Variants in RALYL observed in about 807,000 individuals in gnomAD.
RALYL encodes the protein RALY RNA binding protein like, also known as RNA-binding Raly-like protein.
In RALYL, 29 loss-of-function variants were observed where a neutral mutation model predicts 35.1. That is an observed-to-expected ratio of 0.83 (90% CI 0.61 to 1.13). The LOEUF (loss-of-function observed/expected upper bound fraction) is 1.13, where lower values mean the gene tolerates loss of function less well. RALYL is among the 50% of genes most tolerant of loss of function. The pLI is 0.00. For synonymous variants in RALYL, 120 were observed against 127.6 expected (o/e 0.94, Z 0.40); for missense variants, 359 against 360.4 (o/e 1.00, Z 0.03).
chr8:84,463,115 C>T (rs1308987227), intron 1 of RALYL, among the ~76,000 whole-genome samples: 3 of 151,910 alleles, frequency 2.0e-5, no homozygotes, highest in Admixed American at 2.0e-4. Context: ...CACTCTTTCT[C>T]ATAGTTTAGC....
chr8:84,653,409 C>T (rs898642598), intron 2 of RALYL, among the ~76,000 whole-genome samples: 3 of 152,008 alleles, frequency 2.0e-5, no homozygotes, highest in Non-Finnish European at 4.4e-5. Context: ...CTGGACCTCA[C>T]CTCCTACCTT....
chr8:84,380,794 AC>A (rs1857834461), intron 1 of RALYL, among the ~76,000 whole-genome samples: 1 of 151,888 alleles, frequency 6.6e-6, no homozygotes, highest in Admixed American at 6.6e-5. Flanking sequence ...ATTAGTCATC[AC>A]AGGTGTCCTT....
chr8:84,730,104 T>A lies in RALYL; in HGVS notation c.257-44475T>A, dbSNP rs1364617561. Among the ~76,000 whole-genome samples, 3 of 152,076 alleles carry A rather than the reference T, an allele frequency of 2.0e-5. No individual in the cohort carries two copies. The South Asian group carries it at 6.2e-4, about 31-fold the overall frequency. On this transcript the variant is annotated intron_variant, in intron 2 of 8. Transcript: ENST00000521268. ...CAAAAAAGAGAATTTTAGACCAATA[T>A]CCTTGATGAACATTGATGCAAAAAT...
chr8:84,455,298 A>G (rs1278321835), intron 1 of RALYL, among the ~76,000 whole-genome samples: 2 of 152,042 alleles, frequency 1.3e-5, no homozygotes, highest in Non-Finnish European at 2.9e-5. Flanking sequence ...TATGTCTGGT[A>G]TAAAAGATAA....
intron 3 of RALYL, among the ~76,000 whole-genome samples, chr8:84,778,107 AAG>A (rs1817277875): frequency 6.6e-6 from 1 of 152,186 alleles, no homozygotes; most frequent in African/African-American, 2.4e-5. Flanking sequence ...GAACAGGGTG[AAG>A]AGAGAGCATA....
chr8:84,909,500 T>A (rs1279725647), intron 8 of RALYL, among the ~76,000 whole-genome samples: 1 of 152,170 alleles, frequency 6.6e-6, no homozygotes, highest in Non-Finnish European at 1.5e-5. Context: ...CTGCTAAATA[T>A]AATAGTATTA....
At chr8:84,915,879 C>T (rs1357354297) in intron 8 of RALYL, among the ~76,000 whole-genome samples, 2 of 152,024 alleles carry the variant, frequency 1.3e-5, no homozygotes, top group Non-Finnish European at 2.9e-5. Context: ...ACTCCAGAAA[C>T]ACAAATGATC....
At chr8:84,266,096 G>A (rs1833238134) in intron 1 of RALYL, among the ~76,000 whole-genome samples, 1 of 152,098 alleles carries the variant, frequency 6.6e-6, no homozygotes. Context: ...TCTGCAGCCT[G>A]GTTTCAACTT....
intron 1 of RALYL, among the ~76,000 whole-genome samples, chr8:84,276,610 C>T (rs1563653846): frequency 6.6e-6 from 1 of 152,126 alleles, no homozygotes; most frequent in African/African-American, 2.4e-5. Flanking sequence ...ACTAGGCCTG[C>T]TATAGTCATC....
chr8:84,628,050 A>G (rs1823125457), intron 2 of RALYL, among the ~76,000 whole-genome samples: 1 of 152,086 alleles, frequency 6.6e-6, no homozygotes, highest in Admixed American at 6.6e-5. Flanking sequence ...AAAAATATAA[A>G]TACAACTAAT....
chr8:84,397,776 C>A (rs141654729), intron 1 of RALYL, among the ~76,000 whole-genome samples: 2 of 151,548 alleles, frequency 1.3e-5, no homozygotes, highest in Admixed American at 6.5e-5. Context: ...TTGCATCAGT[C>A]GCAGACAAGC....
At chr8:84,366,092 C>G (rs756282019) in intron 1 of RALYL, among the ~76,000 whole-genome samples, 1 of 152,162 alleles carries the variant, frequency 6.6e-6, no homozygotes, top group African/African-American at 2.4e-5. Context: ...TGTTTATGCT[C>G]TGTTGTCTGG....
intron 1 of RALYL, among the ~76,000 whole-genome samples, chr8:84,296,655 G>C (rs1174444497): frequency 9.2e-6 from 1 of 108,210 alleles, no homozygotes; most frequent in East Asian, 2.8e-4. Flanking sequence ...TTTTTTGACT[G>C]AGAGGTGTAT....
rs142258157 is a variant in RALYL, at chr8:84,877,524, G to A, written c.685+4127G>A. 1.1e-4 allele frequency among the ~76,000 whole-genome samples: 17 copies of A among 151,156 alleles called. No homozygotes were observed. The East Asian group carries it at 1.7e-3, about 16-fold the overall frequency. On this transcript the variant is annotated intron_variant, in intron 7 of 8. Transcript: ENST00000521268. ...TATATATATATATATACACATATAC[G>A]CACACACATATATATTTAAAGGGAG...
At position 84,235,524 on chromosome 8, in the gene RALYL, T is replaced by C. The variant is rs146362165; in HGVS notation, c.-24+51100T>C. On this transcript the variant is annotated intron_variant, in intron 1 of 8. Coordinates refer to ENST00000521268, the MANE Select transcript of RALYL (RefSeq NM_173848.7). ...ATTTGATGTTGGCATGGCCAGAAGA[T>C]AACCTCAGAATGTCCTGCAAGATTT... Among the ~76,000 whole-genome samples the C allele has an allele frequency of 1.6e-3, 248 of 152,342 alleles. 3 individuals carry two copies. Among genetic ancestry groups the C allele is most frequent in the Middle Eastern group, 6.8e-3 (2 of 294 alleles).
intron 4 of RALYL, among the ~76,000 whole-genome samples, chr8:84,826,757 C>A: frequency 6.6e-6 from 1 of 151,854 alleles, no homozygotes; most frequent in East Asian, 1.9e-4. Flanking sequence ...CACACACATA[C>A]GCCCAAACAC....
intron 1 of RALYL, among the ~76,000 whole-genome samples, chr8:84,224,838 G>C (rs1286699777): frequency 1.3e-5 from 2 of 152,010 alleles, no homozygotes; most frequent in Non-Finnish European, 2.9e-5. Context: ...TGTATTTTCA[G>C]TAGAGACAGG....
At chr8:84,754,267 T>A (rs1281841767) in intron 2 of RALYL, among the ~76,000 whole-genome samples, 1 of 151,514 alleles carries the variant, frequency 6.6e-6, no homozygotes, top group African/African-American at 2.4e-5. Flanking sequence ...AAAAAAAAAA[T>A]GTGAGAATAG....
chr8:84,505,584 G>T (rs969249692), intron 1 of RALYL, among the ~76,000 whole-genome samples: 2 of 151,920 alleles, frequency 1.3e-5, no homozygotes, highest in African/African-American at 4.8e-5. Flanking sequence ...TTAGGTTCAG[G>T]GGATACATGT....
Sources: gnomAD v4.1 joint callset for allele counts (sites outside exome capture counted in the v4.1 genomes callset) on GRCh38, gnomAD v4.1.1 for gene constraint, MANE v1.5 for transcripts, NCBI Gene and HGNC (gene_info 2026-07-23, HGNC 2026-07-21) for gene names.